The following SPMIP2 variants were observed in gnomAD, a reference collection of about 807,000 sequenced individuals.
The protein encoded by SPMIP2 is sperm microtubule inner protein 2.
chr4:158,967,250 G>A, the SPMIP2 span, among the ~76,000 whole-genome samples: 2 of 152,106 alleles, frequency 1.3e-5, no homozygotes, highest in Non-Finnish European at 2.9e-5. Flanking sequence ...TATATAAGGA[G>A]GTTAATATAT....
chr4:159,008,996 T>C, the SPMIP2 span, among the ~76,000 whole-genome samples: 7 of 152,240 alleles, frequency 4.6e-5, no homozygotes, highest in Non-Finnish European at 1.0e-4. Flanking sequence ...CAGTGGTTTA[T>C]TGGGCTCTCA....
At chr4:159,027,601 G>C in the SPMIP2 span, among the ~76,000 whole-genome samples, 1 of 152,168 alleles carries the variant, frequency 6.6e-6, no homozygotes, top group Non-Finnish European at 1.5e-5. Context: ...TTGTCTTGTG[G>C]ATTATAGTGC....
chr4:158,971,262 G>A, the SPMIP2 span, among the ~76,000 whole-genome samples: 1 of 152,134 alleles, frequency 6.6e-6, no homozygotes, highest in African/African-American at 2.4e-5. Flanking sequence ...AAAAGTTCTG[G>A]ACTTTATTCA....
chr4:158,995,446 A>T, the SPMIP2 span, among the ~76,000 whole-genome samples: 3 of 152,230 alleles, frequency 2.0e-5, no homozygotes, highest in Admixed American at 2.0e-4. Context: ...CTTAAATAAT[A>T]TATTTGGCAC....
the SPMIP2 span, among the ~76,000 whole-genome samples, chr4:158,928,234 C>G: frequency 6.6e-6 from 1 of 152,194 alleles, no homozygotes; most frequent in Non-Finnish European, 1.5e-5. Context: ...AGTCAGCACA[C>G]TGTGTCTAGC....
At chr4:159,029,484 C>T in the SPMIP2 span, among the ~76,000 whole-genome samples, 5 of 152,006 alleles carry the variant, frequency 3.3e-5, no homozygotes, top group Non-Finnish European at 7.4e-5. Flanking sequence ...TTGGATCCAC[C>T]GATAGTTTTT....
chr4:159,043,410 G>T, the SPMIP2 span, among the ~76,000 whole-genome samples: 1 of 152,038 alleles, frequency 6.6e-6, no homozygotes, highest in Non-Finnish European at 1.5e-5. Flanking sequence ...GCAGTGGCGC[G>T]ATCTCGGCTC....
At chr4:159,027,127 T>C in the SPMIP2 span, among the ~76,000 whole-genome samples, 1 of 152,064 alleles carries the variant, frequency 6.6e-6, no homozygotes, top group Non-Finnish European at 1.5e-5. Context: ...GTTTTGTAAA[T>C]GTAATAATAT....
chr4:158,930,410 T>A, the SPMIP2 span, among the ~76,000 whole-genome samples: 1 of 152,060 alleles, frequency 6.6e-6, no homozygotes, highest in South Asian at 2.1e-4. Context: ...GATTTCATCA[T>A]GTTGCCAGGC....
chr4:158,981,614 T>C, the SPMIP2 span, among the ~76,000 whole-genome samples: 1 of 152,064 alleles, frequency 6.6e-6, no homozygotes, highest in African/African-American at 2.4e-5. Flanking sequence ...CTAAGCTTTG[T>C]AAGTGAAGGA....
the SPMIP2 span, among the ~76,000 whole-genome samples, chr4:158,981,828 A>T: frequency 2.1e-4 from 29 of 135,116 alleles, 1 homozygote; most frequent in African/African-American, 7.7e-4. Context: ...AAAAAAAAAA[A>T]AAAAAGAGCT....
chr4:158,991,337 C>T, the SPMIP2 span, among the ~76,000 whole-genome samples: 408 of 152,276 alleles, frequency 2.7e-3, 1 homozygote, highest in African/African-American at 9.2e-3. Flanking sequence ...TTTCTGGCTC[C>T]TGTGGCTCCC....
the SPMIP2 span, among the ~76,000 whole-genome samples, chr4:158,935,483 G>A: frequency 6.6e-6 from 1 of 152,086 alleles, no homozygotes; most frequent in Non-Finnish European, 1.5e-5. Flanking sequence ...CATTCCTTAC[G>A]TCTTTGTGTC....
chr4:158,931,651 C>A, the SPMIP2 span, among the ~76,000 whole-genome samples: 19 of 152,148 alleles, frequency 1.2e-4, no homozygotes, highest in African/African-American at 3.9e-4. Context: ...CAACCTCCAC[C>A]TCCCAGACTC....
chr4:159,031,396 C>G, the SPMIP2 span, among the ~76,000 whole-genome samples: 1 of 152,098 alleles, frequency 6.6e-6, no homozygotes, highest in African/African-American at 2.4e-5. Context: ...AAATTCGGAA[C>G]GTTGGACATT....
chr4:158,938,262 A>C, the SPMIP2 span, among the ~76,000 whole-genome samples: 1 of 152,236 alleles, frequency 6.6e-6, no homozygotes, highest in Non-Finnish European at 1.5e-5. Flanking sequence ...CATTTTTAAA[A>C]GGCAGAAAGA....
the SPMIP2 span, among the ~76,000 whole-genome samples, chr4:159,017,569 C>T: frequency 6.3e-4 from 96 of 152,156 alleles, no homozygotes; most frequent in African/African-American, 2.2e-3. Context: ...CCACCTAACA[C>T]GATCTTTTTA....
At chr4:158,899,025 C>T in the SPMIP2 span, among the ~76,000 whole-genome samples, 1 of 152,090 alleles carries the variant, frequency 6.6e-6, no homozygotes, top group Non-Finnish European at 1.5e-5. Context: ...CCCTCAATAC[C>T]TAGTTTATTG....
chr4:159,064,546 C>G, the SPMIP2 span: 1 of 140,950 alleles, frequency 7.1e-6, no homozygotes. Context: ...CGTATTTTTC[C>G]TCTTACTCAA....
Sources: allele counts gnomAD v4.1 joint callset (sites outside exome capture counted in the v4.1 genomes callset), GRCh38; gene constraint gnomAD v4.1.1; transcripts MANE v1.5; gene names NCBI Gene and HGNC (gene_info 2026-07-23, HGNC 2026-07-21).